Variants in SHANK2 observed in about 807,000 individuals in gnomAD.
The protein encoded by SHANK2 is SH3 and multiple ankyrin repeat domains 2, also known as SH3 and multiple ankyrin repeat domains protein 2.
A neutral mutation model predicts 133.7 loss-of-function variants in SHANK2; 43 were observed. That is an observed-to-expected ratio of 0.32 (90% CI 0.25 to 0.41). The LOEUF is 0.41. Ranked by LOEUF, SHANK2 falls within the 10% of genes least tolerant of loss-of-function variation. SHANK2 has a pLI of 1.00. For missense variants in SHANK2, 1,994 were observed against 2,235.8 expected (o/e 0.89, Z 2.18); for synonymous variants, 1,017 against 952.8 (o/e 1.07, Z -1.24).
Position 70,807,143 on chromosome 11 carries a change from C to A in SHANK2, c.1522G>T (p.Asp508Tyr), listed in dbSNP as rs1555052129. ...GSPFALGANK[D>Y]SLSAFEYPGP... ...GGGTACTCGAAGGCCGAGAGTGAGT[C>A]CTTGTTGGCACCAAGAGCAAAAGGC... Residue 508 changes from aspartate (D) to tyrosine (Y), a missense_variant, in exon 13 of 26, where the codon GAC (aspartate) becomes TAC (tyrosine). Physicochemically the swap from Asp to Tyr is radical, Grantham distance 160. Coordinates refer to ENST00000601538, the MANE Select transcript of SHANK2 (RefSeq NM_012309.5). This position sits in a 1 kb window ranked among gnomAD's most constrained non-coding sequence, Gnocchi z 4.8. 4.2e-6 allele frequency: 3 copies of A among 717,678 alleles called. No individual in the cohort carries two copies. The East Asian group carries it at 8.1e-5, about 19-fold the overall frequency. The allele number at this position is 717,678 out of a possible 1,614,324, so 44.5% of individuals were successfully genotyped here.
intron 14 of SHANK2, among the ~76,000 whole-genome samples, chr11:70,748,036 G>A (rs1368740850): frequency 6.7e-6 from 1 of 148,666 alleles, no homozygotes; most frequent in African/African-American, 2.6e-5. Flanking sequence ...TGAAACGGGG[G>A]TTATCTTGTC....
At chr11:70,589,084 T>G (rs2060289797) in intron 17 of SHANK2, among the ~76,000 whole-genome samples, 1 of 152,218 alleles carries the variant, frequency 6.6e-6, no homozygotes, top group Non-Finnish European at 1.5e-5. Context: ...CCCAAAGTGC[T>G]GGGATTACAG....
At chr11:71,123,458 G>A (rs1414581420) in intron 3 of SHANK2, among the ~76,000 whole-genome samples, 2 of 152,322 alleles carry the variant, frequency 1.3e-5, no homozygotes, top group Admixed American at 1.3e-4. Context: ...CAGGAATACA[G>A]AGGGATATGC....
chr11:70,584,195 C>A (rs1054378871), intron 17 of SHANK2, among the ~76,000 whole-genome samples: 7 of 152,194 alleles, frequency 4.6e-5, no homozygotes, highest in Admixed American at 1.3e-4. Context: ...ATCAAGGGCA[C>A]ACTTGCGGGT....
chr11:71,156,993 C>T (rs1255469234), intron 2 of SHANK2, among the ~76,000 whole-genome samples: 1 of 152,202 alleles, frequency 6.6e-6, no homozygotes, highest in Non-Finnish European at 1.5e-5. Context: ...AGAGGGATAG[C>T]ATTAGGAGAT....
intron 3 of SHANK2, among the ~76,000 whole-genome samples, chr11:71,136,888 G>A (rs1787790936): frequency 6.6e-6 from 1 of 152,190 alleles, no homozygotes; most frequent in Admixed American, 6.5e-5. Flanking sequence ...TTGAGATGGA[G>A]TTTTGCTCTT....
chr11:70,677,909 T>C (rs1158166677), intron 15 of SHANK2, among the ~76,000 whole-genome samples: 2 of 152,224 alleles, frequency 1.3e-5, no homozygotes, highest in African/African-American at 4.8e-5. Flanking sequence ...TCCTTCTTTT[T>C]GCAGAAGGTT....
chr11:70,900,309 G>A (rs1368212739), intron 10 of SHANK2, among the ~76,000 whole-genome samples: 4 of 151,894 alleles, frequency 2.6e-5, no homozygotes, highest in Admixed American at 6.6e-5. Context: ...AGCCAAGATC[G>A]TGCCACTGCA....
chr11:70,942,804 A>G (rs1555084610), intron 10 of SHANK2: 4 of 456,478 alleles, frequency 8.8e-6, no homozygotes, highest in Admixed American at 4.7e-5. Flanking sequence ...TACCGGGTTA[A>G]CACTGCCACT....
At chr11:70,644,709 T>C (rs1555007641) in intron 17 of SHANK2, among the ~76,000 whole-genome samples, 2 of 152,204 alleles carry the variant, frequency 1.3e-5, no homozygotes, top group African/African-American at 2.4e-5. Context: ...CTGAAATCCA[T>C]CTCCAGACCT....
intron 14 of SHANK2, among the ~76,000 whole-genome samples, chr11:70,789,709 A>G (rs1947747165): frequency 1.3e-5 from 2 of 152,150 alleles, no homozygotes; most frequent in South Asian, 2.1e-4. Context: ...GGAGTTGAGA[A>G]TGTGGCATCT....
At chr11:70,690,509 T>A (rs1945261698) in intron 15 of SHANK2, among the ~76,000 whole-genome samples, 1 of 129,106 alleles carries the variant, frequency 7.7e-6, no homozygotes, top group African/African-American at 3.0e-5. Flanking sequence ...TTTTTTTTTT[T>A]TTTTTTTTTT....
intron 2 of SHANK2, among the ~76,000 whole-genome samples, chr11:71,156,739 G>C (rs561665377): frequency 7.0e-4 from 106 of 152,286 alleles, no homozygotes; most frequent in African/African-American, 2.4e-3. Context: ...ATTTTTAAGA[G>C]GGCTTTATAT....
chr11:70,583,841 C>T (rs1432102811), intron 17 of SHANK2, among the ~76,000 whole-genome samples: 1 of 152,208 alleles, frequency 6.6e-6, no homozygotes, highest in African/African-American at 2.4e-5. Flanking sequence ...GGGCTGCCCG[C>T]TCCTCACAGG....
intron 14 of SHANK2, among the ~76,000 whole-genome samples, chr11:70,702,895 A>G (rs1555024087): frequency 6.6e-6 from 1 of 152,236 alleles, no homozygotes; most frequent in Non-Finnish European, 1.5e-5. Flanking sequence ...TAAAAGGATG[A>G]TGATAGTAAC....
At chr11:71,102,177 C>T (rs1009756591) in intron 6 of SHANK2, among the ~76,000 whole-genome samples, 1 of 152,058 alleles carries the variant, frequency 6.6e-6, no homozygotes, top group African/African-American at 2.4e-5. Flanking sequence ...CTGTTTGGGG[C>T]TTGGAAACAC....
chr11:71,249,528 G>A (rs1948141786), intron 1 of SHANK2, among the ~76,000 whole-genome samples: 1 of 152,290 alleles, frequency 6.6e-6, no homozygotes, highest in East Asian at 1.9e-4. Context: ...CCAGGTGAAA[G>A]CTCCGGCTTG....
At chr11:70,658,778 T>C (rs574046510) in intron 17 of SHANK2, among the ~76,000 whole-genome samples, 1 of 152,326 alleles carries the variant, frequency 6.6e-6, no homozygotes, top group African/African-American at 2.4e-5. Context: ...GGTGGAGATG[T>C]GGGCTCCTCA....
rs1555158610 is a variant in SHANK2, at chr11:70,501,905, C to T, written c.2287+18G>A. ...ACAGCAGGGGGAGCTGCTTTGGGGA[C>T]CCAGTGGGGCTGCTTACCTTTATCC... On this transcript the variant is annotated intron_variant, in intron 20 of 25. Transcript: ENST00000601538. 4.5e-6 allele frequency: 7 copies of T among 1,559,582 alleles called. No individual in the cohort carries two copies. Among genetic ancestry groups the T allele is most frequent in the Middle Eastern group, 3.4e-4 (2 of 5,944 alleles).
Sources: allele counts gnomAD v4.1 joint callset (sites outside exome capture counted in the v4.1 genomes callset), GRCh38; gene constraint gnomAD v4.1.1; non-coding constraint Gnocchi (gnomAD v3.1); transcripts MANE v1.5; gene names NCBI Gene and HGNC (gene_info 2026-07-23, HGNC 2026-07-21).